CNIH4: variants seen among roughly 807,000 people sequenced by gnomAD.
CNIH4 encodes the protein cornichon family member 4.
A neutral mutation model predicts 21.5 loss-of-function variants in CNIH4; 9 were observed. That is an observed-to-expected ratio of 0.42 (90% CI 0.25 to 0.73). The LOEUF is 0.73. CNIH4 is among the 30% of genes least tolerant of loss of function. The pLI is 0.27. For synonymous variants in CNIH4, 67 were observed against 59.1 expected (o/e 1.13, Z -0.61); for missense variants, 159 against 170.0 (o/e 0.94, Z 0.36).
chr1:224,357,156 G>A, intron 1 of CNIH4, 163 bp downstream of exon 1: 2 of 722,180 alleles, frequency 2.8e-6, no homozygotes, highest in Non-Finnish European at 2.3e-6. Context: ...CCCCGGAGCG[G>A]GTAGGAGAGG....
chr1:224,378,855 G>T lies in CNIH4; in HGVS notation c.*3033G>T. ...CAGGGTGTTGTAACTGGGAACATCT[G>T]AATGCTGAGGCCTAGAGATCGTTCA... On this transcript the variant is annotated 3_prime_UTR_variant, in exon 5 of 5. Coordinates refer to ENST00000465271, the MANE Select transcript of CNIH4 (RefSeq NM_014184.4). The T allele has an allele frequency of 2.4e-6, 1 of 423,066 alleles. No homozygotes were observed. The highest frequency in any genetic ancestry group is 3.9e-5 in the Admixed American group (1 of 25,492). The allele number at this position is 423,066 out of a possible 1,614,324, so 26.2% of individuals were successfully genotyped here. A position where few individuals can be genotyped will look rare whatever the true frequency, so the allele number is the denominator to read the frequency against.
intron 1 of CNIH4, 133 bp downstream of exon 1, chr1:224,357,126 G>T (rs1672138288): frequency 2.0e-6 from 2 of 1,008,826 alleles, no homozygotes; most frequent in Admixed American, 4.7e-5. Context: ...GAGCTGGCCT[G>T]GCCGGGGCGG....
At chr1:224,362,479 G>A (rs1435066007) in intron 2 of CNIH4, among the ~76,000 whole-genome samples, 4 of 136,102 alleles carry the variant, frequency 2.9e-5, no homozygotes, top group Non-Finnish European at 6.1e-5. Context: ...GTGCTGTATC[G>A]CTGTGTACTT....
intron 1 of CNIH4, chr1:224,357,489 C>G (rs1355520581): frequency 1.3e-5 from 2 of 153,568 alleles, no homozygotes; most frequent in African/African-American, 4.8e-5. Flanking sequence ...GTTCCCCACG[C>G]AACACCCCCG....
Position 224,365,913 on chromosome 1 carries a change from T to C in CNIH4, c.173T>C (p.Val58Ala), listed in dbSNP as rs1672437625. Residue 58 changes from valine (V) to alanine (A), a missense_variant, in exon 3 of 5, where the codon GTC (valine) becomes GCC (alanine). Transcript: ENST00000465271. The stretch of plus-strand genomic sequence containing the variant: ...CCAGAATTGATTGGCCATACCATTG[T>C]CACTGTATTACTGCTCATGTCATTG... Reference protein sequence around the residue: ...VIPELIGHTIVTVLLLMSLHW... With the variant: ...VIPELIGHTIATVLLLMSLHW... 2.5e-6 allele frequency: 4 copies of C among 1,612,894 alleles called. No homozygotes were observed. Among genetic ancestry groups the C allele is most frequent in the Non-Finnish European group, 3.4e-6 (4 of 1,178,818 alleles).
In CNIH4 at chr1:224,371,414, A is replaced by G. The variant is rs1359977064; in HGVS notation, c.383A>G (p.Tyr128Cys). Reference protein sequence around the residue: ...LGFHLLCFFMYLYSMILALIN... With the variant: ...LGFHLLCFFMCLYSMILALIN... Reference sequence around the variant, plus strand: ...TTCCACTTGCTCTGCTTCTTCATGTATCTTTATAGGTGAGTTTAAAGTCCT... The same window carrying G: ...TTCCACTTGCTCTGCTTCTTCATGTGTCTTTATAGGTGAGTTTAAAGTCCT... The change falls in exon 4 of 5, where the codon TAT becomes TGT. Residue 128 changes from tyrosine to cysteine, a missense_variant. Coordinates refer to ENST00000465271, the MANE Select transcript of CNIH4 (RefSeq NM_014184.4). 6.2e-7 allele frequency: 1 copy of G among 1,613,790 alleles called. No homozygotes were observed. The highest frequency in any genetic ancestry group is 8.5e-7 in the Non-Finnish European group (1 of 1,179,910).
At chr1:224,374,617 G>A (rs1303204537) in intron 4 of CNIH4, among the ~76,000 whole-genome samples, 1 of 151,634 alleles carries the variant, frequency 6.6e-6, no homozygotes, top group Non-Finnish European at 1.5e-5. Flanking sequence ...GTTTCACCAT[G>A]TTGGTCAGGT....
intron 3 of CNIH4, among the ~76,000 whole-genome samples, chr1:224,369,862 A>T (rs1446856551): frequency 6.6e-6 from 1 of 151,838 alleles, no homozygotes; most frequent in African/African-American, 2.4e-5. Flanking sequence ...TTTTAGTAGC[A>T]ATGGGATTTC....
intron 4 of CNIH4, 34 bp downstream of exon 4, chr1:224,371,457 C>T: frequency 1.3e-6 from 2 of 1,595,262 alleles, no homozygotes; most frequent in Non-Finnish European, 1.7e-6. Flanking sequence ...TCCTAGATGC[C>T]ATATTTGTTT....
intron 1 of CNIH4, among the ~76,000 whole-genome samples, chr1:224,360,100 C>T (rs537946471): frequency 6.6e-6 from 1 of 152,156 alleles, no homozygotes; most frequent in African/African-American, 2.4e-5. Flanking sequence ...TGCGCCACTG[C>T]ACTACAGCCT....
chr1:224,359,853 G>A (rs1672223166), intron 1 of CNIH4, among the ~76,000 whole-genome samples: 1 of 152,116 alleles, frequency 6.6e-6, no homozygotes, highest in Non-Finnish European at 1.5e-5. Context: ...AGGTGCTCAT[G>A]CCCGGCTAAT....
At position 224,360,425 on chromosome 1, in the gene CNIH4, A is replaced by G. The variant is rs1672245584; in HGVS notation, c.70-70A>G. ...AATCTAATTCTGCCTTGTAACTGGG[A>G]TTGCTTTCTGAAACTTAAATACTTA... On this transcript the variant is annotated intron_variant, in intron 1 of 4. Coordinates refer to ENST00000465271, the MANE Select transcript of CNIH4 (RefSeq NM_014184.4). The G allele has an allele frequency of 5.2e-6, 4 of 772,632 alleles. 1 individual carries two copies. The South Asian group carries it at 9.0e-5, about 17-fold the overall frequency. 47.9% of individuals were successfully genotyped at this position (772,632 alleles called of 1,614,324 possible).
intron 2 of CNIH4, among the ~76,000 whole-genome samples, chr1:224,364,868 G>A (rs956598247): frequency 2.4e-4 from 37 of 151,992 alleles, no homozygotes; most frequent in African/African-American, 8.7e-4. Context: ...GGGAGGCGGA[G>A]GTTTCAGTGA....
At position 224,357,003 on chromosome 1, in the gene CNIH4, C is replaced by T; in HGVS notation, c.69+10C>T. 2 of 1,608,644 alleles carry T rather than the reference C, an allele frequency of 1.2e-6. No individual in the cohort carries two copies. The highest frequency in any genetic ancestry group is 1.7e-6 in the Non-Finnish European group (2 of 1,177,524). ...CCTCTCGGTCTACTTCGTATCCTTG[C>T]CTGAGGCAGGCGAACGCCTTGCCGG... On this transcript the variant is annotated intron_variant, in intron 1 of 4. Transcript: ENST00000465271.
intron 1 of CNIH4, chr1:224,357,451 G>C (rs1296313734): frequency 6.4e-6 from 1 of 157,368 alleles, no homozygotes; most frequent in Non-Finnish European, 1.4e-5. Context: ...CGGGTGCCGG[G>C]ATAAGTGCGG....
intron 4 of CNIH4, among the ~76,000 whole-genome samples, chr1:224,372,575 GTTTGT>G (rs926229892): frequency 1.3e-5 from 2 of 149,496 alleles, no homozygotes; most frequent in South Asian, 2.1e-4. Context: ...TTTTTTTTTT[GTTTGT>G]TTTGTTTTGT....
At chr1:224,375,768 A>C in intron 4 of CNIH4, 27 bp from the exon 5 acceptor site, 7 of 1,613,670 alleles carry the variant, frequency 4.3e-6, no homozygotes, top group Middle Eastern at 1.7e-4. Flanking sequence ...AGAAAACATT[A>C]GTGACATTCA....
intron 1 of CNIH4, 126 bp downstream of exon 1, chr1:224,357,119 C>A (rs1056309187): frequency 9.2e-7 from 1 of 1,091,666 alleles, no homozygotes. Flanking sequence ...TCCCTGGGAG[C>A]TGGCCTGGCC....
intron 4 of CNIH4, among the ~76,000 whole-genome samples, chr1:224,372,757 T>C (rs1439769301): frequency 6.6e-6 from 1 of 151,544 alleles, no homozygotes; most frequent in Non-Finnish European, 1.5e-5. Flanking sequence ...TAATTTTTTT[T>C]TTTTTTTTCT....
Sources: gnomAD v4.1 joint callset for allele counts (sites outside exome capture counted in the v4.1 genomes callset) on GRCh38, gnomAD v4.1.1 for gene constraint, MANE v1.5 for transcripts, NCBI Gene and HGNC (gene_info 2026-07-23, HGNC 2026-07-21) for gene names.